DLGAP1: variants seen among roughly 807,000 people sequenced by gnomAD.
DLGAP1 encodes disks large-associated protein 1.
A neutral mutation model predicts 90.8 loss-of-function variants in DLGAP1; 11 were observed. The observed-to-expected ratio is 0.12, with a 90% CI of 0.08 to 0.20. The LOEUF (loss-of-function observed/expected upper bound fraction) is 0.20. Among genes scored for constraint, DLGAP1 ranks in the 10% least tolerant of loss-of-function variants. The pLI is 1.00. For synonymous variants in DLGAP1, 558 were observed against 540.7 expected (o/e 1.03, Z -0.44); for missense variants, 1,050 against 1,333.8 (o/e 0.79, Z 3.31).
At chr18:4,008,994 C>T (rs946320192) in intron 2 of DLGAP1, among the ~76,000 whole-genome samples, 1 of 152,170 alleles carries the variant, frequency 6.6e-6, no homozygotes, top group Admixed American at 6.5e-5. Flanking sequence ...AGCTCTGCCT[C>T]CCGGGTTCAC....
intron 1 of DLGAP1, among the ~76,000 whole-genome samples, chr18:4,277,440 A>AG (rs2079441362): frequency 6.6e-6 from 1 of 152,204 alleles, no homozygotes; most frequent in African/African-American, 2.4e-5. Context: ...TTTGAACCCA[A>AG]GGCTTGTTAG....
intron 2 of DLGAP1, among the ~76,000 whole-genome samples, chr18:4,065,654 G>T (rs185793059): frequency 7.2e-5 from 11 of 152,134 alleles, no homozygotes; most frequent in South Asian, 4.1e-4. Context: ...ACAAAGCACT[G>T]CTCAAATAAA....
chr18:4,082,321 G>A (rs1353940630), intron 2 of DLGAP1, among the ~76,000 whole-genome samples: 7 of 122,386 alleles, frequency 5.7e-5, no homozygotes, highest in East Asian at 2.2e-4. Flanking sequence ...CAGCCTGGGC[G>A]ACAGAACAAG....
intron 7 of DLGAP1, among the ~76,000 whole-genome samples, chr18:3,632,063 C>T (rs1682214334): frequency 6.6e-6 from 1 of 152,194 alleles, no homozygotes; most frequent in Non-Finnish European, 1.5e-5. Context: ...GCATGAGCCA[C>T]TGTGCCTGGC....
At chr18:3,843,718 C>A (rs201522892) in intron 4 of DLGAP1, among the ~76,000 whole-genome samples, 1 of 152,152 alleles carries the variant, frequency 6.6e-6, no homozygotes, top group African/African-American at 2.4e-5. Flanking sequence ...TATAGTTTTA[C>A]AAAGACAGAA....
intron 11 of DLGAP1, among the ~76,000 whole-genome samples, chr18:3,504,732 T>TAAAGAA: frequency 6.6e-6 from 1 of 152,306 alleles, no homozygotes; most frequent in East Asian, 1.9e-4. Flanking sequence ...ACTCGTTCCC[T>TAAAGAA]TCTCATAAAG....
intron 2 of DLGAP1, among the ~76,000 whole-genome samples, chr18:4,088,429 T>TCGTG (rs71160943): frequency 0.22 from 32,142 of 148,350 alleles, 4,075 homozygotes; most frequent in Non-Finnish European, 0.3. Flanking sequence ...TAATTTTCCT[T>TCGTG]TGTGTGTGTG....
intron 1 of DLGAP1, among the ~76,000 whole-genome samples, chr18:4,321,416 T>C (rs915937665): frequency 6.6e-6 from 1 of 152,236 alleles, no homozygotes; most frequent in Admixed American, 6.5e-5. Flanking sequence ...AGTCTGAGCA[T>C]GAGGGTAGTT....
intron 3 of DLGAP1, among the ~76,000 whole-genome samples, chr18:3,900,237 C>T (rs574497422): frequency 3.3e-5 from 5 of 152,220 alleles, no homozygotes; most frequent in Admixed American, 2.6e-4. Context: ...GGCAACACAG[C>T]GTGTCTCTCC....
intron 1 of DLGAP1, among the ~76,000 whole-genome samples, chr18:4,390,927 C>T (rs938522324): frequency 4.6e-5 from 7 of 152,192 alleles, no homozygotes; most frequent in African/African-American, 1.7e-4. Context: ...CTTGGGCCTG[C>T]TCCATCAGCC....
At chr18:4,102,695 C>T (rs879740569) in intron 2 of DLGAP1, among the ~76,000 whole-genome samples, 4 of 152,098 alleles carry the variant, frequency 2.6e-5, no homozygotes, top group Non-Finnish European at 5.9e-5. Flanking sequence ...AATTTTGGAG[C>T]TAATATGAAT....
intron 2 of DLGAP1, among the ~76,000 whole-genome samples, chr18:4,023,584 G>C (rs368340821): frequency 6.6e-6 from 1 of 152,140 alleles, no homozygotes; most frequent in Non-Finnish European, 1.5e-5. Flanking sequence ...GAAGGAGTCA[G>C]GCACAAGTGA....
chr18:3,535,383 T>C (rs75854432), intron 9 of DLGAP1, among the ~76,000 whole-genome samples: 6,724 of 152,144 alleles, frequency 0.044, 490 homozygotes, highest in African/African-American at 0.15. Flanking sequence ...AACTATTCAC[T>C]ACTATCTTAG....
intron 7 of DLGAP1, among the ~76,000 whole-genome samples, chr18:3,695,100 CGGCTAATTTTTT>C (rs1170770398): frequency 2.0e-5 from 3 of 151,766 alleles, no homozygotes; most frequent in Non-Finnish European, 4.4e-5. Flanking sequence ...CCATTATGCC[CGGCTAATTTTTT>C]TCTGTATTTT....
chr18:4,423,710 T>C (rs1053877750), intron 1 of DLGAP1, among the ~76,000 whole-genome samples: 1 of 152,036 alleles, frequency 6.6e-6, no homozygotes, highest in African/African-American at 2.4e-5. Context: ...ATGAGAGAAC[T>C]GTTTCAATTC....
chr18:4,273,413 G>A (rs1239703694), intron 1 of DLGAP1, among the ~76,000 whole-genome samples: 1 of 152,150 alleles, frequency 6.6e-6, no homozygotes, highest in Admixed American at 6.5e-5. Context: ...TATTACTGAT[G>A]ATGTTCCATG....
At chr18:4,247,612 C>G in intron 1 of DLGAP1, among the ~76,000 whole-genome samples, 1 of 152,014 alleles carries the variant, frequency 6.6e-6, no homozygotes, top group South Asian at 2.1e-4. Flanking sequence ...CCCGTCTCTA[C>G]TAAAAATACA....
Position 3,497,624 on chromosome 18 carries a change from C to T in DLGAP1, c.*1561G>A, listed in dbSNP as rs1198727738. On this transcript the variant is annotated 3_prime_UTR_variant, in exon 13 of 13. Coordinates refer to ENST00000315677, the MANE Select transcript of DLGAP1 (RefSeq NM_004746.4). ...ATGTTTGATGTATGTTTTTAAAAGT[C>T]TTTCGTTTTTAATTTCTAATGCTTT... 1 of 152,130 alleles carries T rather than the reference C, an allele frequency of 6.6e-6. No individual in the cohort carries two copies. The highest frequency in any genetic ancestry group is 6.5e-5 in the Admixed American group (1 of 15,270). The allele number at this position is 152,130 out of a possible 1,614,324, so 9.4% of individuals were successfully genotyped here.
chr18:4,167,653 G>A (rs1319033564), intron 1 of DLGAP1, among the ~76,000 whole-genome samples: 3 of 152,128 alleles, frequency 2.0e-5, no homozygotes, highest in Non-Finnish European at 2.9e-5. Flanking sequence ...CAAGTATATA[G>A]AAGAGCTGAA....
Sources: gnomAD v4.1 joint callset for allele counts (sites outside exome capture counted in the v4.1 genomes callset) on GRCh38, gnomAD v4.1.1 for gene constraint, MANE v1.5 for transcripts, NCBI Gene and HGNC (gene_info 2026-07-23, HGNC 2026-07-21) for gene names.